The following COP1 variants were observed in gnomAD, a reference collection of about 807,000 sequenced individuals.
The protein encoded by COP1 is E3 ubiquitin-protein ligase COP1.
COP1 carries 24 observed loss-of-function variants against 101.3 expected under a neutral mutation model. That is an observed-to-expected ratio of 0.24 (90% confidence interval 0.17 to 0.33). The LOEUF is 0.33. Among genes scored for constraint, COP1 ranks in the 10% least tolerant of loss-of-function variants. The pLI is 1.00. For synonymous variants in COP1, 347 were observed against 341.9 expected (o/e 1.01, Z -0.17); for missense variants, 663 against 906.2 (o/e 0.73, Z 3.45).
At chr1:175,972,602 T>C (rs1031432285) in intron 18 of COP1, among the ~76,000 whole-genome samples, 1 of 151,790 alleles carries the variant, frequency 6.6e-6, no homozygotes, top group Non-Finnish European at 1.5e-5. Context: ...GTAGCTGGGA[T>C]TACAGGCGCC....
At chr1:176,085,712 C>G (rs1680013328) in intron 10 of COP1, 64 bp downstream of exon 10, 5 of 984,628 alleles carry the variant, frequency 5.1e-6, no homozygotes, top group South Asian at 4.2e-5. Context: ...AAATTCAGCA[C>G]AAAAACCTAG....
chr1:176,091,775 T>A (rs935650270), intron 9 of COP1, among the ~76,000 whole-genome samples: 1 of 151,866 alleles, frequency 6.6e-6, no homozygotes, highest in African/African-American at 2.4e-5. Context: ...AAAACAGAAG[T>A]ATAATAAGTA....
intron 16 of COP1, chr1:175,989,043 C>T (rs1223260306): frequency 5.0e-6 from 1 of 199,408 alleles, no homozygotes; most frequent in African/African-American, 2.3e-5. Context: ...TGTTGTTTAT[C>T]TCTTCTTTAG....
chr1:176,115,331 T>G (rs1168861196), intron 9 of COP1, among the ~76,000 whole-genome samples: 1 of 152,096 alleles, frequency 6.6e-6, no homozygotes, highest in Non-Finnish European at 1.5e-5. Flanking sequence ...ACGCTTGTAG[T>G]CCCAGCCACT....
In COP1 at chr1:176,206,792, C is replaced by T; in HGVS notation, c.187G>A (p.Gly63Ser). 6 of 1,391,180 alleles carry T rather than the reference C, an allele frequency of 4.3e-6. No individual in the cohort carries two copies. Among genetic ancestry groups the T allele is most frequent in the South Asian group, 1.6e-5 (1 of 61,978 alleles). 86.2% of individuals were successfully genotyped at this position (1,391,180 alleles called of 1,614,324 possible). A position where few individuals can be genotyped will look rare whatever the true frequency, so the allele number is the denominator to read the frequency against. Reference protein sequence around the residue: ...AQAAGSGGLGGPVRPVLVAPA... With the variant: ...AQAAGSGGLGSPVRPVLVAPA... ...GCCACCAACACAGGCCGCACCGGGC[C>T]CCCGAGGCCGCCCGAGCCGGCGGCC... Residue 63 changes from glycine to serine, a missense_variant, in exon 1 of 20, where the codon GGC becomes AGC. Around this residue, in one of 4 missense-constraint regions of COP1, gnomAD observed 204 missense variants for 203.6 expected, o/e 1.00. Transcript: ENST00000367669.
At chr1:176,074,712 C>T (rs550643755) in intron 11 of COP1, among the ~76,000 whole-genome samples, 30 of 150,838 alleles carry the variant, frequency 2.0e-4, no homozygotes, top group Admixed American at 8.6e-4. Context: ...AAATTCAACA[C>T]TACATTAAAT....
At chr1:176,201,205 A>AC (rs1700230909) in intron 1 of COP1, among the ~76,000 whole-genome samples, 1 of 152,016 alleles carries the variant, frequency 6.6e-6, no homozygotes, top group Admixed American at 6.6e-5. Flanking sequence ...AACCAAAAAA[A>AC]CCCCTAAAAT....
intron 11 of COP1, among the ~76,000 whole-genome samples, chr1:176,057,194 A>G (rs1474133393): frequency 6.6e-6 from 1 of 152,254 alleles, no homozygotes; most frequent in Non-Finnish European, 1.5e-5. Context: ...TAATGCAGGT[A>G]TACCTGCTAT....
chr1:175,998,063 T>TAAAAAAAAAAAAAAAAAAAAA (rs57110017), intron 15 of COP1, among the ~76,000 whole-genome samples: 4 of 66,802 alleles, frequency 6.0e-5, no homozygotes, highest in African/African-American at 3.2e-4. Context: ...AGAGTATAAT[T>TAAAAAAAAAAAAAAAAAAAAA]AAAAAAAAAA....
rs566382438 is a variant in COP1 at position 175,952,752 on chromosome 1, TA to T, written c.2134-5514del. Among the ~76,000 whole-genome samples the T allele has an allele frequency of 7.0e-3, 1,060 of 150,712 alleles. 13 individuals carry two copies. The highest frequency in any genetic ancestry group is 0.024 in the African/African-American group (1,000 of 41,104). ...AGTAATACCTTGTTGCTACTAAAAA[TA>T]AAAAAAAACATTAACCAGGCATGGT... On this transcript the variant is annotated intron_variant, in intron 18 of 19. Transcript: ENST00000367669.
chr1:176,086,330 A>G lies in COP1; in HGVS notation c.1027-440T>C, dbSNP rs145088823. On this transcript the variant is annotated intron_variant, in intron 9 of 19. Transcript: ENST00000367669. ...AAGCTCTACCTCCCAGTTTCTCGAC[A>G]TTCTCCTGCCTCAGCCTCCCAAGTA... 2.6e-3 allele frequency among the ~76,000 whole-genome samples: 391 copies of G among 149,934 alleles called. 3 individuals carry two copies. The highest frequency in any genetic ancestry group is 9.2e-3 in the African/African-American group (373 of 40,708).
At chr1:176,186,965 AT>A (rs1425107797) in intron 1 of COP1, among the ~76,000 whole-genome samples, 1 of 152,206 alleles carries the variant, frequency 6.6e-6, no homozygotes, top group Non-Finnish European at 1.5e-5. Flanking sequence ...CCGTTAGTTT[AT>A]TTAAAAAGAA....
At chr1:176,034,381 A>G (rs1367568444) in intron 14 of COP1, among the ~76,000 whole-genome samples, 1 of 152,192 alleles carries the variant, frequency 6.6e-6, no homozygotes, top group Non-Finnish European at 1.5e-5. Flanking sequence ...CAGTATGAGA[A>G]GCTAATACTC....
chr1:176,149,727 G>A (rs61821031), intron 5 of COP1, among the ~76,000 whole-genome samples: 1 of 152,144 alleles, frequency 6.6e-6, no homozygotes, highest in Non-Finnish European at 1.5e-5. Flanking sequence ...CATTTTCTGA[G>A]TAGCAAAACA....
At chr1:175,964,946 G>A (rs1318337011) in intron 18 of COP1, among the ~76,000 whole-genome samples, 1 of 152,146 alleles carries the variant, frequency 6.6e-6, no homozygotes, top group African/African-American at 2.4e-5. Flanking sequence ...GAACACAAAT[G>A]TCTTGTTTTC....
intron 9 of COP1, 149 bp downstream of exon 9, chr1:176,116,475 T>C: frequency 1.8e-6 from 1 of 551,342 alleles, no homozygotes; most frequent in Non-Finnish European, 3.3e-6. Flanking sequence ...TCTACCATTA[T>C]GCATAAGAGC....
At chr1:176,078,520 A>T (rs1184804197) in intron 11 of COP1, among the ~76,000 whole-genome samples, 4 of 152,018 alleles carry the variant, frequency 2.6e-5, no homozygotes, top group Non-Finnish European at 5.9e-5. Flanking sequence ...TAAGTCTAAG[A>T]CCTCAAACTA....
chr1:176,058,138 G>GGGT (rs1553244726), intron 11 of COP1, among the ~76,000 whole-genome samples: 1 of 140,422 alleles, frequency 7.1e-6, no homozygotes, highest in Non-Finnish European at 1.6e-5. Flanking sequence ...GGTGGGGTGG[G>GGGT]GGGGGGGTCA....
chr1:176,161,223 A>G (rs1694273564), intron 5 of COP1, among the ~76,000 whole-genome samples: 1 of 152,176 alleles, frequency 6.6e-6, no homozygotes, highest in African/African-American at 2.4e-5. Context: ...CCTCTTTAAA[A>G]TCCCTAATTT....
Sources: allele counts gnomAD v4.1 joint callset (sites outside exome capture counted in the v4.1 genomes callset), GRCh38; gene constraint gnomAD v4.1.1; regional missense constraint gnomAD v4.1.1; transcripts MANE v1.5; gene names NCBI Gene and HGNC (gene_info 2026-07-23, HGNC 2026-07-21).